The following CASZ1 variants were observed in gnomAD, a reference collection of about 807,000 sequenced individuals.
The protein encoded by CASZ1 is zinc finger protein castor homolog 1.
CASZ1 carries 28 observed loss-of-function variants against 135.2 expected under a neutral mutation model. That is an observed-to-expected ratio of 0.21 (90% CI 0.15 to 0.28). The LOEUF is 0.28. Ranked by LOEUF, CASZ1 falls within the 10% of genes least tolerant of loss-of-function variation. CASZ1 has a pLI of 1.00. For missense variants in CASZ1, 2,161 were observed against 2,453.3 expected, an observed-to-expected ratio of 0.88 and a Z score of 2.52; for synonymous variants, 1,068 against 1,073.4, an observed-to-expected ratio of 0.99 and a Z score of 0.10.
At chr1:10,673,642 G>A (rs1231825090) in intron 4 of CASZ1, among the ~76,000 whole-genome samples, 2 of 152,142 alleles carry the variant, frequency 1.3e-5, no homozygotes, top group South Asian at 4.1e-4. Flanking sequence ...TTAGGGAAAC[G>A]CGCTGCTTGG....
In CASZ1 at chr1:10,693,965, C is replaced by T. The variant is rs901102712; in HGVS notation, c.-23-53G>A. 7.1e-6 allele frequency: 11 copies of T among 1,556,756 alleles called. No homozygotes were observed. The Admixed American group carries it at 8.6e-5, about 12-fold the overall frequency. ...CGGGAGAGAAGAAACACGGGGTTAG[C>T]GTCTCGCGGGACCCCGGCCGCCCGC... On this transcript the variant is annotated intron_variant, in intron 3 of 20. Transcript: ENST00000377022.
chr1:10,640,205 T>A, intron 20 of CASZ1, 146 bp from the exon 21 acceptor site: 1 of 1,176,178 alleles, frequency 8.5e-7, no homozygotes, highest in Non-Finnish European at 1.2e-6. Context: ...TTGGGAGGCC[T>A]CTCCTGCCCC....
At chr1:10,742,402 C>T (rs1034496820) in intron 2 of CASZ1, among the ~76,000 whole-genome samples, 22 of 152,084 alleles carry the variant, frequency 1.4e-4, no homozygotes, top group Non-Finnish European at 2.5e-4. Flanking sequence ...TCGGCTCGGA[C>T]GCGGGGCTTG....
In CASZ1 at chr1:10,756,375, AGT is replaced by A. The variant is rs1249147931; in HGVS notation, c.-77+4324_-77+4325del. ...ACCTCCATGGAGGTCAGGTCTCCAGAGTGTTCCTGGAAGGCTGGGCTGGCCCA... is the reference window on the plus strand; with the variant it reads ...ACCTCCATGGAGGTCAGGTCTCCAGAGTTCCTGGAAGGCTGGGCTGGCCCA... On this transcript the variant is annotated intron_variant, in intron 2 of 20. Coordinates refer to ENST00000377022, the MANE Select transcript of CASZ1 (RefSeq NM_001079843.3). This position sits in a 1 kb window ranked among gnomAD's most constrained non-coding sequence, Gnocchi z 5.9. Among the ~76,000 whole-genome samples, 3 of 151,836 alleles carry A rather than the reference AGT, an allele frequency of 2.0e-5. No individual in the cohort carries two copies. Among genetic ancestry groups the A allele is most frequent in the African/African-American group, 7.3e-5 (3 of 41,306 alleles).
chr1:10,796,302 G>A (rs1433240002), intron 1 of CASZ1, among the ~76,000 whole-genome samples: 1 of 152,044 alleles, frequency 6.6e-6, no homozygotes, highest in Non-Finnish European at 1.5e-5. Context: ...GGCCACGGCA[G>A]GCAACGCGCC....
intron 2 of CASZ1, among the ~76,000 whole-genome samples, chr1:10,730,518 A>T (rs1639684146): frequency 6.6e-6 from 1 of 152,230 alleles, no homozygotes; most frequent in Non-Finnish European, 1.5e-5. Flanking sequence ...GAGTGGAACC[A>T]GCTGCCTGCT....
chr1:10,745,732 G>T (rs571790419), intron 2 of CASZ1, among the ~76,000 whole-genome samples: 1 of 152,306 alleles, frequency 6.6e-6, no homozygotes, highest in South Asian at 2.1e-4. Context: ...TAAGCCAAGA[G>T]ATATCAGAAA....
chr1:10,648,979 G>A, intron 15 of CASZ1, 91 bp downstream of exon 15: 3 of 1,515,998 alleles, frequency 2.0e-6, no homozygotes, highest in South Asian at 1.2e-5. Context: ...GGCCCAGCGG[G>A]AACTGCTGTA....
At chr1:10,731,311 G>C (rs1320863233) in intron 2 of CASZ1, among the ~76,000 whole-genome samples, 1 of 152,096 alleles carries the variant, frequency 6.6e-6, no homozygotes, top group Non-Finnish European at 1.5e-5. Flanking sequence ...AGCTGGGCGT[G>C]GTGGCTCATG....
At chr1:10,650,232 G>C (rs1642517915) in intron 13 of CASZ1, 1 of 152,264 alleles carries the variant, frequency 6.6e-6, no homozygotes, top group Non-Finnish European at 1.5e-5. Flanking sequence ...CAAAGACCCT[G>C]CATTATTTAA....
intron 1 of CASZ1, among the ~76,000 whole-genome samples, chr1:10,769,676 C>T (rs1266251931): frequency 6.6e-6 from 1 of 152,010 alleles, no homozygotes; most frequent in African/African-American, 2.4e-5. Context: ...ACCACCACAC[C>T]CGGCTAATTT....
At position 10,741,499 on chromosome 1, in the gene CASZ1, C is replaced by T. The variant is rs1328342911; in HGVS notation, c.-77+19202G>A. ...TAAAGATGAGCATGGGCAGGGCTGG[C>T]GTGATGAGGCTGGTCTAGCAGAGCT... On this transcript the variant is annotated intron_variant, in intron 2 of 20. Coordinates refer to ENST00000377022, the MANE Select transcript of CASZ1 (RefSeq NM_001079843.3). This position sits in a 1 kb window ranked among gnomAD's most constrained non-coding sequence, Gnocchi z 5.0. Among the ~76,000 whole-genome samples the T allele has an allele frequency of 6.6e-6, 1 of 151,790 alleles. No homozygotes were observed. Among genetic ancestry groups the T allele is most frequent in the African/African-American group, 2.4e-5 (1 of 41,290 alleles).
At chr1:10,746,460 G>A (rs935660387) in intron 2 of CASZ1, among the ~76,000 whole-genome samples, 4 of 152,198 alleles carry the variant, frequency 2.6e-5, no homozygotes, top group Non-Finnish European at 5.9e-5. Flanking sequence ...AAAAGAAAAT[G>A]AAAGTAGGAG....
Position 10,648,047 on chromosome 1 carries a change from G to A in CASZ1, c.3251C>T (p.Pro1084Leu), listed in dbSNP as rs1158695286. Reference protein sequence around the residue: ...SAAETKPPMAPSSPPVPPVTT... With the variant: ...SAAETKPPMALSSPPVPPVTT... ...GACAGGAGGGACCGGAGGGGACGAG[G>A]GGGCCATGGGAGGTTTGGTCTCGGC... is the stretch of plus-strand genomic sequence containing the variant. The change falls in exon 16 of 21, where the codon CCC (proline) becomes CTC (leucine). Residue 1084 changes from proline (P) to leucine (L), a missense_variant. Around this residue, in one of 7 missense-constraint regions of CASZ1, gnomAD observed 349 missense variants for 460.8 expected, o/e 0.76. Coordinates refer to ENST00000377022, the MANE Select transcript of CASZ1 (RefSeq NM_001079843.3). 2 of 1,600,684 alleles carry A rather than the reference G, an allele frequency of 1.2e-6. No individual in the cohort carries two copies. Among genetic ancestry groups the A allele is most frequent in the South Asian group, 2.2e-5 (2 of 89,380 alleles).
At chr1:10,745,290 G>A (rs756232436) in intron 2 of CASZ1, among the ~76,000 whole-genome samples, 1 of 152,170 alleles carries the variant, frequency 6.6e-6, no homozygotes, top group Admixed American at 6.5e-5. Context: ...GGAACCCCAG[G>A]CAGCCTGCAT....
chr1:10,701,281 G>A lies in CASZ1; in HGVS notation c.-24+4211C>T, dbSNP rs775188191. 8.5e-5 allele frequency among the ~76,000 whole-genome samples: 13 copies of A among 152,160 alleles called. No individual in the cohort carries two copies. The highest frequency in any genetic ancestry group is 1.2e-4 in the Non-Finnish European group (8 of 68,022). On this transcript the variant is annotated intron_variant, in intron 3 of 20. Transcript: ENST00000377022. This position sits in a 1 kb window ranked among gnomAD's most constrained non-coding sequence, Gnocchi z 6.3. ...TGCCCACCGTGGCAGCCGGGTTCCC[G>A]TGCGCACTCTCCCTGTCTCGCAGAC...
At chr1:10,708,856 G>A (rs1181568318) in intron 2 of CASZ1, among the ~76,000 whole-genome samples, 4 of 151,816 alleles carry the variant, frequency 2.6e-5, no homozygotes, top group African/African-American at 9.7e-5. Context: ...GGGCCTGCAG[G>A]CGGCTCGGAG....
intron 4 of CASZ1, among the ~76,000 whole-genome samples, chr1:10,684,640 G>C (rs892110606): frequency 1.3e-5 from 2 of 152,212 alleles, no homozygotes; most frequent in African/African-American, 4.8e-5. Context: ...GGTCTTTGCA[G>C]TTCTGGGCAA....
In CASZ1 at chr1:10,654,451, G is replaced by A; in HGVS notation, c.1806C>T (p.Phe602=). ...TEDCGTADCQ[F]YGQKTTHFHC... ...GGAAGTGCGTGGTCTTCTGTCCGTAGAACTGGCAGTCGGCTGTGCCACAGT... is the reference window on the plus strand; with the variant it reads ...GGAAGTGCGTGGTCTTCTGTCCGTAAAACTGGCAGTCGGCTGTGCCACAGT... Residue 602 remains phenylalanine, a synonymous_variant, in exon 10 of 21, where the codon TTC becomes TTT. Transcript: ENST00000377022. 6.2e-7 allele frequency: 1 copy of A among 1,614,210 alleles called. No individual in the cohort carries two copies. The highest frequency in any genetic ancestry group is 1.6e-4 in the Middle Eastern group (1 of 6,062).
Sources: gnomAD v4.1 joint callset for allele counts (sites outside exome capture counted in the v4.1 genomes callset) on GRCh38, gnomAD v4.1.1 for gene constraint, gnomAD v4.1.1 regional missense constraint, Gnocchi (gnomAD v3.1) non-coding constraint, MANE v1.5 for transcripts, NCBI Gene and HGNC (gene_info 2026-07-23, HGNC 2026-07-21) for gene names.